Variants in DNAJB1 observed in about 807,000 individuals in gnomAD.
The protein encoded by DNAJB1 is dnaJ homolog subfamily B member 1.
Under a neutral mutation model 24.0 loss-of-function variants are expected in DNAJB1, and 14 were observed. The observed-to-expected ratio is 0.58, with a 90% CI of 0.39 to 0.91. The LOEUF (loss-of-function observed/expected upper bound fraction) is 0.91, where lower values mean the gene tolerates loss of function less well. Among genes scored for constraint, DNAJB1 ranks in the 40% least tolerant of loss-of-function variants. DNAJB1 has a pLI of 0.00. For synonymous variants in DNAJB1, 262 were observed against 174.4 expected (o/e 1.50, Z -3.96); for missense variants, 517 against 458.1 (o/e 1.13, Z -1.17).
upstream of DNAJB1, among the ~76,000 whole-genome samples, chr19:14,551,946 CCTCTCT>C (rs71166756): frequency 0.035 from 2,517 of 71,226 alleles, 70 homozygotes; most frequent in East Asian, 0.076. Flanking sequence ...TCCCTCCCTC[CCTCTCT>C]CTCTCTCTCT....
chr19:14,531,940 T>C (rs929550660), upstream of DNAJB1: 1 of 150,056 alleles, frequency 6.7e-6, no homozygotes, highest in African/African-American at 2.5e-5. Flanking sequence ...GCCCAGGAGG[T>C]TGAGGCTGCA....
upstream of DNAJB1, among the ~76,000 whole-genome samples, chr19:14,521,266 C>G (rs1390196299): frequency 6.6e-6 from 1 of 151,882 alleles, no homozygotes; most frequent in Non-Finnish European, 1.5e-5. Context: ...CGAGACCAGT[C>G]TGGCCAACGT....
chr19:14,533,360 C>T (rs2072745701), upstream of DNAJB1, among the ~76,000 whole-genome samples: 1 of 151,722 alleles, frequency 6.6e-6, no homozygotes, highest in Admixed American at 6.6e-5. Context: ...GTGGAGGTTG[C>T]AGTGAGCTGA....
At chr19:14,542,236 A>T (rs2073117919) in intron 1 of DNAJB1, among the ~76,000 whole-genome samples, 1 of 150,624 alleles carries the variant, frequency 6.6e-6, no homozygotes, top group Admixed American at 6.7e-5. Context: ...AAGTGCAGGG[A>T]TTACAGGTGT....
chr19:14,538,820 C>CA (rs2072996628), intron 1 of DNAJB1, among the ~76,000 whole-genome samples: 1 of 152,002 alleles, frequency 6.6e-6, no homozygotes, highest in South Asian at 2.1e-4. Flanking sequence ...CATGAGCCAC[C>CA]ACGCCTGGCT....
chr19:14,552,248 A>G (rs1008329993), upstream of DNAJB1, among the ~76,000 whole-genome samples: 7 of 142,134 alleles, frequency 4.9e-5, no homozygotes, highest in African/African-American at 1.8e-4. Context: ...AGGTCACTGC[A>G]GCCTTGACCT....
rs1338346709 is a variant in DNAJB1, at chr19:14,528,691, GC to G, written c.-175+518del. ...GGGGTGGCTCAGGCCTGTAATCCTA[GC>G]ACTTTGGGAGGCTGAGGCGGGAGGA... On this transcript the variant is annotated intron_variant, in intron 1 of 3. Transcript: ENST00000396969. Among the ~76,000 whole-genome samples, 6 of 151,976 alleles carry G rather than the reference GC, an allele frequency of 3.9e-5. No homozygotes were observed. In the East Asian group the frequency reaches 1.2e-3, roughly 30 times the overall value.
At chr19:14,550,156 C>T (rs991186472) in intron 1 of DNAJB1, among the ~76,000 whole-genome samples, 1 of 151,992 alleles carries the variant, frequency 6.6e-6, no homozygotes, top group Non-Finnish European at 1.5e-5. Context: ...CCCCACAGTC[C>T]TTAACAGGGC....
upstream of DNAJB1, chr19:14,530,303 T>C (rs1290384117): frequency 6.3e-6 from 1 of 158,040 alleles, no homozygotes; most frequent in Non-Finnish European, 1.4e-5. Context: ...AGAAATCTTA[T>C]ACCCACCCAC....
At chr19:14,529,633 C>T (rs781549405), upstream of DNAJB1, 6 of 1,612,904 alleles carry the variant, frequency 3.7e-6, no homozygotes, top group Non-Finnish European at 5.1e-6. Flanking sequence ...TGTAGGGAGC[C>T]TGTGCTGTGC....
upstream of DNAJB1, among the ~76,000 whole-genome samples, chr19:14,533,372 A>G (rs1253832022): frequency 1.3e-5 from 2 of 151,978 alleles, no homozygotes; most frequent in East Asian, 3.9e-4. Flanking sequence ...GTGAGCTGAG[A>G]TCGCACCACT....
At chr19:14,530,017 A>G (rs376165557), upstream of DNAJB1, 8 of 512,788 alleles carry the variant, frequency 1.6e-5, no homozygotes, top group East Asian at 6.9e-5. Context: ...AGACTTTGTC[A>G]TGGGAGCCAC....
chr19:14,544,890 C>G (rs1257995984), intron 1 of DNAJB1, among the ~76,000 whole-genome samples: 1 of 152,090 alleles, frequency 6.6e-6, no homozygotes, highest in Non-Finnish European at 1.5e-5. Flanking sequence ...GCCTCTGTTT[C>G]CCAAAGTGCT....
intron 1 of DNAJB1, among the ~76,000 whole-genome samples, chr19:14,535,560 A>ATATATATG (rs2072857421): frequency 4.6e-5 from 1 of 21,854 alleles, no homozygotes; most frequent in African/African-American, 1.7e-4. Context: ...ATATATATAT[A>ATATATATG]TATATATATA....
chr19:14,533,287 G>A (rs772384299), upstream of DNAJB1, among the ~76,000 whole-genome samples: 4 of 151,894 alleles, frequency 2.6e-5, no homozygotes, highest in Non-Finnish European at 5.9e-5. Context: ...GGGTGTGGTG[G>A]CGCACGCCTG....
At chr19:14,530,242 T>C (rs35070159), upstream of DNAJB1, 27,948 of 169,276 alleles carry the variant, frequency 0.17, 2,677 homozygotes, top group African/African-American at 0.26. Context: ...CTGATCTTGC[T>C]TTCTGGTTAT....
chr19:14,531,066 G>A (rs1435523544), upstream of DNAJB1: 2 of 152,032 alleles, frequency 1.3e-5, no homozygotes, highest in Non-Finnish European at 2.9e-5. Context: ...CAGAGTTTCG[G>A]TCTTATTGCC....
At chr19:14,530,488 T>C (rs1381785504), upstream of DNAJB1, 1 of 152,362 alleles carries the variant, frequency 6.6e-6, no homozygotes, top group East Asian at 1.9e-4. Context: ...ATAAAATTTG[T>C]TATTAAAATT....
chr19:14,550,436 C>T (rs1226665314), upstream of DNAJB1, among the ~76,000 whole-genome samples: 1 of 152,108 alleles, frequency 6.6e-6, no homozygotes, highest in Non-Finnish European at 1.5e-5. Context: ...TCCTCCTGCT[C>T]CTCCAGTCAG....
Sources: allele counts gnomAD v4.1 joint callset (sites outside exome capture counted in the v4.1 genomes callset), GRCh38; gene constraint gnomAD v4.1.1; transcripts MANE v1.5; gene names NCBI Gene and HGNC (gene_info 2026-07-23, HGNC 2026-07-21).